Variants in PCDH11X observed in about 807,000 individuals in gnomAD.
PCDH11X encodes the protein protocadherin-11 X-linked.
Under a neutral mutation model 53.3 loss-of-function variants are expected in PCDH11X, and 18 were observed. That is an observed-to-expected ratio of 0.34 (90% CI 0.23 to 0.50). The LOEUF (loss-of-function observed/expected upper bound fraction) is 0.50, where lower values mean the gene tolerates loss of function less well. Ranked by LOEUF, PCDH11X falls within the 20% of genes least tolerant of loss-of-function variation. The probability of loss-of-function intolerance (pLI) is 0.98; values close to 1 mark genes in which losing one functional copy is unlikely to be tolerated. For missense variants in PCDH11X, 570 were observed against 1,032.4 expected, an observed-to-expected ratio of 0.55 and a Z score of 6.14; for synonymous variants, 279 against 393.3, an observed-to-expected ratio of 0.71 and a Z score of 3.44.
intron 6 of PCDH11X, among the ~76,000 whole-genome samples, chrX:92,081,949 G>T (rs903893596): frequency 9.0e-6 from 1 of 110,843 alleles, no homozygotes; most frequent in African/African-American, 3.3e-5. Flanking sequence ...AGTACCCAAT[G>T]GGCTGAGTAC....
chrX:92,332,628 T>C (rs2069518122), intron 8 of PCDH11X, among the ~76,000 whole-genome samples: 1 of 112,360 alleles, frequency 8.9e-6, no homozygotes, highest in Admixed American at 9.5e-5. Flanking sequence ...TGACAACTTA[T>C]CCTTACCATA....
At chrX:91,881,188 T>G (rs1167945187) in intron 6 of PCDH11X, among the ~76,000 whole-genome samples, 3 of 110,393 alleles carry the variant, frequency 2.7e-5, no homozygotes, top group Non-Finnish European at 5.7e-5. Context: ...ACTGAAGTAT[T>G]TTTCAAATAT....
intron 8 of PCDH11X, among the ~76,000 whole-genome samples, chrX:92,364,249 A>T (rs2070411481): frequency 9.0e-6 from 1 of 111,473 alleles, no homozygotes; most frequent in Admixed American, 9.6e-5. Flanking sequence ...CATAGAGTGT[A>T]CTTACATGAA....
chrX:92,471,196 G>A (rs1434273082), intron 10 of PCDH11X, among the ~76,000 whole-genome samples: 3 of 100,826 alleles, frequency 3.0e-5, no homozygotes, highest in Non-Finnish European at 6.0e-5. Flanking sequence ...TGCACAGTTT[G>A]TTTCATCAAC....
At chrX:92,240,116 C>G (rs2067238708) in intron 7 of PCDH11X, among the ~76,000 whole-genome samples, 1 of 111,730 alleles carries the variant, frequency 9.0e-6, no homozygotes, top group Non-Finnish European at 1.9e-5. Context: ...TTCAGGGTTT[C>G]ATGGGGCTGA....
intron 8 of PCDH11X, among the ~76,000 whole-genome samples, chrX:92,350,573 T>C (rs12859177): frequency 8.1e-5 from 9 of 111,752 alleles, no homozygotes; most frequent in Non-Finnish European, 1.3e-4. Context: ...TCACGTCTCT[T>C]AGCTGTGAAT....
chrX:91,876,501 T>A lies in PCDH11X; in HGVS notation c.541-280T>A, dbSNP rs1010501945. 1.8e-3 allele frequency among the ~76,000 whole-genome samples: 201 copies of A among 111,018 alleles called. 6 individuals carry two copies. The highest frequency in any genetic ancestry group is 5.5e-4 in the Non-Finnish European group (29 of 52,962). On this transcript the variant is annotated intron_variant, in intron 5 of 10. Transcript: ENST00000682573. ...TCTGAAGCCTCCTGTCCCCAGAACA[T>A]CTTCTAGTACAGTTCTCTAATTTTA...
chrX:91,922,730 T>C (rs146585639), intron 6 of PCDH11X, among the ~76,000 whole-genome samples: 156 of 112,347 alleles, frequency 1.4e-3, no homozygotes, highest in Non-Finnish European at 2.1e-3. Flanking sequence ...AACCTACCTC[T>C]GTCCATGGAA....
chrX:92,258,505 C>T (rs1455908371), intron 7 of PCDH11X, among the ~76,000 whole-genome samples: 1 of 109,289 alleles, frequency 9.2e-6, no homozygotes, highest in Non-Finnish European at 1.9e-5. Context: ...GTAGCTGGGA[C>T]TACAGGCGCC....
At chrX:92,316,310 C>T (rs2755353) in intron 8 of PCDH11X, among the ~76,000 whole-genome samples, 24,392 of 110,008 alleles carry the variant, frequency 0.22, 2,042 homozygotes, top group Non-Finnish European at 0.23. Context: ...ACCGTGAAAG[C>T]ATAAAATCGC....
At chrX:92,233,880 A>T (rs1461563198) in intron 7 of PCDH11X, among the ~76,000 whole-genome samples, 1 of 112,005 alleles carries the variant, frequency 8.9e-6, no homozygotes, top group Non-Finnish European at 1.9e-5. Context: ...ACTGATTTTA[A>T]AAAAGCAATT....
chrX:92,592,838 T>C (rs1295669307), intron 10 of PCDH11X, among the ~76,000 whole-genome samples: 2 of 112,003 alleles, frequency 1.8e-5, no homozygotes, highest in Non-Finnish European at 3.8e-5. Flanking sequence ...CCATAGATAA[T>C]GGAGCTATAT....
intron 9 of PCDH11X, among the ~76,000 whole-genome samples, chrX:92,418,158 A>T (rs1282651836): frequency 9.6e-6 from 1 of 103,690 alleles, no homozygotes; most frequent in African/African-American, 3.5e-5. Context: ...TAGTTATTCA[A>T]ATTTAACATC....
intron 6 of PCDH11X, among the ~76,000 whole-genome samples, chrX:91,886,864 G>A (rs1190407626): frequency 1.0e-4 from 11 of 106,246 alleles, no homozygotes; most frequent in Non-Finnish European, 1.5e-4. Context: ...CCAGCTACTC[G>A]GGAGGCTGAG....
At chrX:92,122,830 G>A (rs932164734) in intron 6 of PCDH11X, among the ~76,000 whole-genome samples, 2 of 110,579 alleles carry the variant, frequency 1.8e-5, no homozygotes, top group Non-Finnish European at 3.8e-5. Context: ...CCAGCTACTC[G>A]GGAGGCTGAG....
chrX:92,232,076 T>G (rs55651436), intron 7 of PCDH11X, among the ~76,000 whole-genome samples: 1 of 111,628 alleles, frequency 9.0e-6, no homozygotes, highest in African/African-American at 3.2e-5. Flanking sequence ...ATAAATTCAT[T>G]TGATATTCAT....
intron 8 of PCDH11X, among the ~76,000 whole-genome samples, chrX:92,322,060 T>C (rs2069228235): frequency 9.1e-6 from 1 of 109,696 alleles, no homozygotes; most frequent in Non-Finnish European, 1.9e-5. Flanking sequence ...AATGTCTGTC[T>C]AACTTTCTGC....
intron 8 of PCDH11X, among the ~76,000 whole-genome samples, chrX:92,314,662 A>C (rs1200142382): frequency 2.7e-5 from 3 of 110,747 alleles, no homozygotes; most frequent in Non-Finnish European, 5.7e-5. Flanking sequence ...ATGGCTACGA[A>C]GTCACTAGGC....
chrX:92,139,756 CAT>C (rs2065148119), intron 6 of PCDH11X, among the ~76,000 whole-genome samples: 1 of 111,288 alleles, frequency 9.0e-6, no homozygotes, highest in Admixed American at 9.7e-5. Flanking sequence ...GATAATTAAA[CAT>C]AATATACAAA....
Sources: gnomAD v4.1 joint callset for allele counts (sites outside exome capture counted in the v4.1 genomes callset) on GRCh38, gnomAD v4.1.1 for gene constraint, MANE v1.5 for transcripts, NCBI Gene and HGNC (gene_info 2026-07-23, HGNC 2026-07-21) for gene names.